Variants in IPO11 observed in about 807,000 individuals in gnomAD.
The protein encoded by IPO11 is importin 11, also known as importin-11.
IPO11 carries 66 observed loss-of-function variants against 143.2 expected under a neutral mutation model. The observed-to-expected ratio is 0.46, with a 90% confidence interval of 0.38 to 0.57. The LOEUF is 0.57. Among genes scored for constraint, IPO11 ranks in the 20% least tolerant of loss-of-function variants. The pLI is 0.00. For missense variants in IPO11, 1,026 were observed against 1,141.0 expected, an observed-to-expected ratio of 0.90 and a Z score of 1.45; for synonymous variants, 385 against 377.8, an observed-to-expected ratio of 1.02 and a Z score of -0.22.
intron 27 of IPO11, among the ~76,000 whole-genome samples, chr5:62,575,548 C>T (rs1031492693): frequency 3.3e-5 from 5 of 152,128 alleles, no homozygotes; most frequent in African/African-American, 1.2e-4. Flanking sequence ...AATTGCCTCT[C>T]TGTTTTTGTC....
chr5:62,609,037 CAG>C (rs1053629951), intron 29 of IPO11, among the ~76,000 whole-genome samples: 28 of 152,306 alleles, frequency 1.8e-4, no homozygotes, highest in African/African-American at 6.5e-4. Flanking sequence ...AGAAAGTCAG[CAG>C]AGTGTGATGT....
Position 62,467,196 on chromosome 5 carries a change from A to G in IPO11, c.582A>G (p.Gln194=). The stretch of plus-strand genomic sequence containing the variant: ...ATCACCACACAGACACATTCCTGCA[A>G]GAAGTTTCTTCTGGCAATGAAGCTG... ...LWNHHTDTFL[Q]EVSSGNEAAI... The change falls in exon 6 of 30, where the codon CAA becomes CAG. Residue 194 remains glutamine (Q), a synonymous_variant. Coordinates refer to ENST00000325324, the MANE Select transcript of IPO11 (RefSeq NM_016338.5). 6.2e-7 allele frequency: 1 copy of G among 1,614,054 alleles called. No individual in the cohort carries two copies. Among genetic ancestry groups the G allele is most frequent in the Non-Finnish European group, 8.5e-7 (1 of 1,179,948 alleles).
At chr5:62,434,331 T>C (rs1198502591) in intron 1 of IPO11, among the ~76,000 whole-genome samples, 1 of 151,776 alleles carries the variant, frequency 6.6e-6, no homozygotes, top group Non-Finnish European at 1.5e-5. Context: ...TGAGACAGGG[T>C]TTCTCTGTTG....
chr5:62,457,669 C>A (rs998677052), intron 5 of IPO11, among the ~76,000 whole-genome samples: 1 of 152,104 alleles, frequency 6.6e-6, no homozygotes, highest in East Asian at 1.9e-4. Flanking sequence ...TAAGATAGAT[C>A]ACTCACCCTC....
chr5:62,561,679 G>T (rs536852521), intron 27 of IPO11, among the ~76,000 whole-genome samples: 158 of 152,050 alleles, frequency 1.0e-3, no homozygotes, highest in African/African-American at 3.6e-3. Context: ...TTTTATTTTG[G>T]ATTATTTCTA....
chr5:62,445,870 T>G (rs1744702548), intron 3 of IPO11, among the ~76,000 whole-genome samples: 1 of 152,196 alleles, frequency 6.6e-6, no homozygotes, highest in African/African-American at 2.4e-5. Flanking sequence ...TTTTGCATAA[T>G]CTATTTTGAT....
At chr5:62,599,149 T>C (rs941015507) in intron 28 of IPO11, among the ~76,000 whole-genome samples, 9 of 152,204 alleles carry the variant, frequency 5.9e-5, no homozygotes, top group Admixed American at 4.6e-4. Flanking sequence ...GGGGCCCAAC[T>C]GTGCTTTAAC....
At position 62,536,747 on chromosome 5, in the gene IPO11, G is replaced by T. The variant is rs61757088; in HGVS notation, c.2135G>T (p.Gly712Val). 1,121 of 1,571,940 alleles carry T rather than the reference G, an allele frequency of 7.1e-4. 1 individual carries two copies. The highest frequency in any genetic ancestry group is 9.3e-4 in the Non-Finnish European group (1,081 of 1,164,790). Residue 712 changes from glycine to valine, a missense_variant, in exon 23 of 30, where the codon GGT becomes GTT. Physicochemically the swap from Gly to Val is moderately radical, Grantham distance 109 (BLOSUM62 -3). Transcript: ENST00000325324. ...AGAACTTGCTTTAAGATCATCAATG[G>T]TTATATCTTTTTATCATCAACAGAA... Reference protein sequence around the residue: ...NLRTCFKIINGYIFLSSTEFL... With the variant: ...NLRTCFKIINVYIFLSSTEFL...
Position 62,485,351 on chromosome 5 carries a change from G to A in IPO11, c.1175-68G>A, listed in dbSNP as rs529312987. 5.9e-5 allele frequency: 72 copies of A among 1,226,400 alleles called. 2 individuals are homozygous for A. In the Admixed American group the frequency reaches 1.2e-3, roughly 20 times the overall value. The allele number at this position is 1,226,400 out of a possible 1,614,324, so 76.0% of individuals were successfully genotyped here. ...GAGTTCACAAAAATATTATACTGAT[G>A]TTATTAAAATCTTTGTTTTCTAAAC... On this transcript the variant is annotated intron_variant, in intron 11 of 29. Coordinates refer to ENST00000325324, the MANE Select transcript of IPO11 (RefSeq NM_016338.5).
intron 16 of IPO11, among the ~76,000 whole-genome samples, chr5:62,495,008 TAAAG>T (rs1257932086): frequency 6.6e-6 from 1 of 152,172 alleles, no homozygotes; most frequent in Non-Finnish European, 1.5e-5. Flanking sequence ...TATGCTGACA[TAAAG>T]AAAGCTACAT....
chr5:62,556,507 G>A (rs905375762), intron 26 of IPO11, among the ~76,000 whole-genome samples: 2 of 152,056 alleles, frequency 1.3e-5, no homozygotes, highest in Non-Finnish European at 2.9e-5. Flanking sequence ...GAGAAGTCTA[G>A]GTGAGAGGAT....
chr5:62,619,528 A>T (rs542471334), intron 29 of IPO11, among the ~76,000 whole-genome samples: 15 of 152,306 alleles, frequency 9.8e-5, no homozygotes, highest in African/African-American at 3.4e-4. Context: ...ATAGAATATT[A>T]TGTCTTTACC....
intron 26 of IPO11, among the ~76,000 whole-genome samples, chr5:62,559,942 AGAG>A (rs1184520196): frequency 1.4e-4 from 11 of 80,816 alleles, no homozygotes; most frequent in African/African-American, 2.4e-4. Flanking sequence ...AAAAAAAAAA[AGAG>A]AGAGAAAAAC....
chr5:62,480,411 C>T (rs562829542), intron 9 of IPO11, among the ~76,000 whole-genome samples: 61 of 152,162 alleles, frequency 4.0e-4, no homozygotes, highest in Middle Eastern at 3.4e-3. Flanking sequence ...AGGACTGTCT[C>T]GGCAATGCGG....
intron 22 of IPO11, among the ~76,000 whole-genome samples, chr5:62,533,392 A>G (rs1580293752): frequency 6.6e-6 from 1 of 151,716 alleles, no homozygotes. Context: ...TTGTATTTTT[A>G]ATAGAGATGA....
intron 29 of IPO11, among the ~76,000 whole-genome samples, chr5:62,605,193 ATTG>A (rs1745660383): frequency 6.6e-6 from 1 of 152,316 alleles, no homozygotes; most frequent in African/African-American, 2.4e-5. Context: ...GCTTACTGTC[ATTG>A]TTGTCTTAAA....
At chr5:62,611,372 TA>T (rs1745922129) in intron 29 of IPO11, among the ~76,000 whole-genome samples, 1 of 152,158 alleles carries the variant, frequency 6.6e-6, no homozygotes, top group Admixed American at 6.5e-5. Context: ...GTGATAGAGC[TA>T]AAATGTTAAT....
Position 62,539,773 on chromosome 5 carries a change from C to T in IPO11, c.2250+2484C>T, listed in dbSNP as rs143027761. Among the ~76,000 whole-genome samples, 123 of 152,216 alleles carry T rather than the reference C, an allele frequency of 8.1e-4. 1 individual carries two copies. Among genetic ancestry groups the T allele is most frequent in the African/African-American group, 2.7e-3 (113 of 41,526 alleles). On this transcript the variant is annotated intron_variant, in intron 24 of 29. Transcript: ENST00000325324. Reference sequence around the variant, plus strand: ...TTTATGAATTTTTATTGCATTTATGCCTTTATTAAACTGACACAGTGGCAA... The same window carrying T: ...TTTATGAATTTTTATTGCATTTATGTCTTTATTAAACTGACACAGTGGCAA...
intron 9 of IPO11, among the ~76,000 whole-genome samples, chr5:62,477,818 A>G (rs1014308663): frequency 4.6e-5 from 7 of 152,214 alleles, no homozygotes; most frequent in Non-Finnish European, 7.3e-5. Flanking sequence ...TCTTAAGGTA[A>G]TGACATGGAT....
Sources: allele counts gnomAD v4.1 joint callset (sites outside exome capture counted in the v4.1 genomes callset), GRCh38; gene constraint gnomAD v4.1.1; transcripts MANE v1.5; gene names NCBI Gene and HGNC (gene_info 2026-07-23, HGNC 2026-07-21).